MCPH1: variants seen among roughly 807,000 people sequenced by gnomAD.
MCPH1 encodes the protein microcephalin 1, also known as microcephalin.
In MCPH1, 104 loss-of-function variants were observed where a neutral mutation model predicts 84.5. That is an observed-to-expected ratio of 1.23 (90% CI 1.05 to 1.45). The LOEUF (loss-of-function observed/expected upper bound fraction) is 1.45. MCPH1 is among the 40% of genes most tolerant of loss of function. The probability of loss-of-function intolerance (pLI) is 0.00; values close to 1 mark genes in which losing one functional copy is unlikely to be tolerated. For missense variants in MCPH1, 1,498 were observed against 1,005.7 expected, an observed-to-expected ratio of 1.49 and a Z score of -6.62; for synonymous variants, 514 against 366.8, an observed-to-expected ratio of 1.40 and a Z score of -4.58.
At chr8:6,422,537 G>A (rs1046334602) in intron 3 of MCPH1, among the ~76,000 whole-genome samples, 6 of 152,048 alleles carry the variant, frequency 3.9e-5, no homozygotes, top group African/African-American at 1.5e-4. Flanking sequence ...TGAGAGTTAG[G>A]GATTCTTACT....
rs1045701361 is a variant in MCPH1, at chr8:6,436,205, T to C, written c.436+43T>C. ...ATACAGTTCTTTGCATTTGTGTCCATACACCTTGTTTAATTTGCATGATGA... is the reference window on the plus strand; with the variant it reads ...ATACAGTTCTTTGCATTTGTGTCCACACACCTTGTTTAATTTGCATGATGA... On this transcript the variant is annotated intron_variant, in intron 5 of 13. Transcript: ENST00000344683. 4 of 1,595,560 alleles carry C rather than the reference T, an allele frequency of 2.5e-6. No individual in the cohort carries two copies. In the Admixed American group the frequency reaches 5.1e-5, roughly 20 times the overall value.
intron 11 of MCPH1, among the ~76,000 whole-genome samples, chr8:6,482,528 C>T (rs1015217377): frequency 6.6e-6 from 1 of 152,212 alleles, no homozygotes. Context: ...ACTACTCTCC[C>T]TTCCCTCAGG....
chr8:6,590,458 C>T (rs908088988), intron 12 of MCPH1, among the ~76,000 whole-genome samples: 22 of 152,172 alleles, frequency 1.4e-4, no homozygotes, highest in African/African-American at 5.3e-4. Context: ...GGGTGGGAAG[C>T]TGAGGAGGTT....
chr8:6,426,508 T>G (rs1032401795), intron 3 of MCPH1, among the ~76,000 whole-genome samples: 2 of 152,272 alleles, frequency 1.3e-5, no homozygotes, highest in Non-Finnish European at 2.9e-5. Context: ...CCGTGTTGTT[T>G]GTAGCAGTGG....
intron 11 of MCPH1, among the ~76,000 whole-genome samples, chr8:6,498,275 C>G (rs1811508674): frequency 6.6e-6 from 1 of 152,162 alleles, no homozygotes; most frequent in Non-Finnish European, 1.5e-5. Flanking sequence ...TGCTTACAGC[C>G]TTACCTGTGC....
chr8:6,631,960 A>G (rs1315754678), intron 13 of MCPH1, among the ~76,000 whole-genome samples: 2 of 152,260 alleles, frequency 1.3e-5, no homozygotes, highest in Non-Finnish European at 2.9e-5. Context: ...TGCATAAGAA[A>G]CAAAATGTGG....
intron 13 of MCPH1, among the ~76,000 whole-genome samples, chr8:6,641,447 A>G (rs182457428): frequency 2.3e-4 from 35 of 152,382 alleles, no homozygotes; most frequent in African/African-American, 8.2e-4. Flanking sequence ...AAAAGTTTGC[A>G]TAAGAAAAGT....
intron 9 of MCPH1, among the ~76,000 whole-genome samples, chr8:6,464,088 T>C (rs1472785243): frequency 2.0e-5 from 3 of 152,204 alleles, no homozygotes; most frequent in African/African-American, 7.2e-5. Flanking sequence ...TCCATGTAAA[T>C]CATTTCCATT....
intron 12 of MCPH1, among the ~76,000 whole-genome samples, chr8:6,529,882 G>C (rs529029533): frequency 6.7e-6 from 1 of 148,632 alleles, no homozygotes; most frequent in African/African-American, 2.5e-5. Context: ...CACAATAGGC[G>C]TTTTTTTTTT....
chr8:6,541,637 G>A (rs964035188), intron 12 of MCPH1, among the ~76,000 whole-genome samples: 1 of 152,126 alleles, frequency 6.6e-6, no homozygotes, highest in Non-Finnish European at 1.5e-5. Flanking sequence ...TAAATTCTCA[G>A]CTTAGAAGAT....
intron 12 of MCPH1, among the ~76,000 whole-genome samples, chr8:6,555,654 G>T (rs1824476059): frequency 6.6e-6 from 1 of 151,898 alleles, no homozygotes; most frequent in African/African-American, 2.4e-5. Flanking sequence ...GTAGAGACGG[G>T]GTTTCATCGT....
chr8:6,477,542 T>C lies in MCPH1; in HGVS notation c.1936-52T>C, dbSNP rs1238584416. The C allele has an allele frequency of 6.5e-6, 10 of 1,530,700 alleles. No individual in the cohort carries two copies. In the Admixed American group the frequency reaches 1.2e-4, roughly 18 times the overall value. The allele number at this position is 1,530,700 out of a possible 1,614,324, so 94.8% of individuals were successfully genotyped here. On this transcript the variant is annotated intron_variant, in intron 9 of 13. Transcript: ENST00000344683. ...TTACAGTTTATTTCTGTGGGAAAAATATTTTTTATGTTTTTGACTGTTTTT... is the reference window on the plus strand; with the variant it reads ...TTACAGTTTATTTCTGTGGGAAAAACATTTTTTATGTTTTTGACTGTTTTT...
intron 12 of MCPH1, among the ~76,000 whole-genome samples, chr8:6,544,135 C>T (rs1192770489): frequency 6.6e-6 from 1 of 152,214 alleles, no homozygotes; most frequent in African/African-American, 2.4e-5. Flanking sequence ...CTTTTATCTT[C>T]ATCTCTTGAT....
chr8:6,408,577 G>T (rs866456247), intron 1 of MCPH1, among the ~76,000 whole-genome samples: 14 of 152,006 alleles, frequency 9.2e-5, no homozygotes, highest in African/African-American at 3.4e-4. Context: ...TTTCTCTGCT[G>T]CCCAGGCTGG....
chr8:6,528,222 G>T (rs996591458), intron 12 of MCPH1, among the ~76,000 whole-genome samples: 4 of 152,148 alleles, frequency 2.6e-5, no homozygotes, highest in Non-Finnish European at 5.9e-5. Context: ...TTGGAAAGTG[G>T]TTAGTAGTTC....
At chr8:6,498,287 C>G (rs903939951) in intron 11 of MCPH1, among the ~76,000 whole-genome samples, 2 of 152,194 alleles carry the variant, frequency 1.3e-5, no homozygotes, top group Non-Finnish European at 2.9e-5. Context: ...TACCTGTGCT[C>G]TTTCAAAGTA....
chr8:6,592,618 T>C (rs1170854787), intron 12 of MCPH1, among the ~76,000 whole-genome samples: 15 of 77,558 alleles, frequency 1.9e-4, no homozygotes, highest in East Asian at 7.3e-4. Flanking sequence ...TTCTTTCTTT[T>C]TTTTGTTTTT....
In MCPH1 at chr8:6,417,260, A is replaced by C. The variant is rs187753216; in HGVS notation, c.233+2377A>C. Among the ~76,000 whole-genome samples, 4 of 152,288 alleles carry C rather than the reference A, an allele frequency of 2.6e-5. No individual in the cohort carries two copies. In the East Asian group the frequency reaches 7.7e-4, roughly 29 times the overall value. ...AATTAGCTGTATACCAGGGATTGGT[A>C]AAGTTTTCTGTAAAGGGACAGATAG... On this transcript the variant is annotated intron_variant, in intron 3 of 13. Transcript: ENST00000344683.
At chr8:6,446,042 TGAA>T in intron 8 of MCPH1, 1 of 980,934 alleles carries the variant, frequency 1.0e-6, no homozygotes, top group Non-Finnish European at 1.2e-6. Flanking sequence ...TATTGATTTT[TGAA>T]GAAACTTTGG....
Sources: gnomAD v4.1 joint callset for allele counts (sites outside exome capture counted in the v4.1 genomes callset) on GRCh38, gnomAD v4.1.1 for gene constraint, MANE v1.5 for transcripts, NCBI Gene and HGNC (gene_info 2026-07-23, HGNC 2026-07-21) for gene names.